Variants in SRGAP3 observed in about 807,000 individuals in gnomAD.
SRGAP3 encodes SLIT-ROBO Rho GTPase-activating protein 3.
A neutral mutation model predicts 121.1 loss-of-function variants in SRGAP3; 39 were observed. The observed-to-expected ratio is 0.32, with a 90% CI of 0.25 to 0.42. SRGAP3 has a LOEUF of 0.42. Ranked by LOEUF, SRGAP3 falls within the 10% of genes least tolerant of loss-of-function variation. SRGAP3 has a pLI of 1.00. For missense variants in SRGAP3, 1,213 were observed against 1,470.6 expected (o/e 0.82, Z 2.86); for synonymous variants, 601 against 570.0 (o/e 1.05, Z -0.77).
At chr3:9,254,785 G>C (rs1954091525) in intron 3 of SRGAP3, among the ~76,000 whole-genome samples, 1 of 142,388 alleles carries the variant, frequency 7.0e-6, no homozygotes, top group Non-Finnish European at 1.5e-5. Context: ...CTGGGCAACA[G>C]AGCAAGGCTC....
chr3:8,996,513 G>A (rs186729644), intron 18 of SRGAP3, among the ~76,000 whole-genome samples: 52 of 152,290 alleles, frequency 3.4e-4, no homozygotes, highest in African/African-American at 1.2e-3. Flanking sequence ...CTAGCTACCC[G>A]ACAAATGTCT....
intron 1 of SRGAP3, among the ~76,000 whole-genome samples, chr3:9,173,918 G>GC (rs1159675359): frequency 1.3e-5 from 2 of 152,092 alleles, no homozygotes; most frequent in African/African-American, 4.8e-5. Context: ...ACAATGCCAG[G>GC]CACGTGATCA....
At chr3:9,144,987 A>T (rs189879254) in intron 1 of SRGAP3, among the ~76,000 whole-genome samples, 1 of 152,362 alleles carries the variant, frequency 6.6e-6, no homozygotes, top group African/African-American at 2.4e-5. Flanking sequence ...ATTCATTGTT[A>T]TTCATGCCCA....
upstream of SRGAP3, among the ~76,000 whole-genome samples, chr3:9,252,286 G>A (rs1280321048): frequency 6.6e-6 from 1 of 152,102 alleles, no homozygotes; most frequent in Non-Finnish European, 1.5e-5. Flanking sequence ...GCAGAACCAT[G>A]AGCCAAATAA....
rs1420236584 is a variant in SRGAP3, at chr3:9,239,700, G to A, written c.67+9185C>T. ...TTCCAAATTACCATTTAAATCAATG[G>A]TTGAGCACTCTGTAATTGGAAATGT... On this transcript the variant is annotated intron_variant, in intron 1 of 21. Transcript: ENST00000383836. The surrounding 1 kb of genome is among the most constrained non-coding windows in gnomAD (Gnocchi z 4.0). 1.3e-5 allele frequency among the ~76,000 whole-genome samples: 2 copies of A among 152,192 alleles called. No homozygotes were observed. The highest frequency in any genetic ancestry group is 4.8e-5 in the African/African-American group (2 of 41,454).
intron 3 of SRGAP3, among the ~76,000 whole-genome samples, chr3:9,082,911 A>G (rs1264779444): frequency 6.6e-6 from 1 of 152,174 alleles, no homozygotes; most frequent in Non-Finnish European, 1.5e-5. Flanking sequence ...TGCTTGTGCC[A>G]GACCCCTTAA....
At position 9,207,401 on chromosome 3, in the gene SRGAP3, T is replaced by C. The variant is rs369084425; in HGVS notation, c.67+41484A>G. ...CTATCCACTGACTCTGGGCAAGCCATTGAGTCCTAAATCTCAAGTGCTTTA... is the reference window on the plus strand; with the variant it reads ...CTATCCACTGACTCTGGGCAAGCCACTGAGTCCTAAATCTCAAGTGCTTTA... On this transcript the variant is annotated intron_variant, in intron 1 of 21. Coordinates refer to ENST00000383836, the MANE Select transcript of SRGAP3 (RefSeq NM_014850.4). 1.1e-4 allele frequency among the ~76,000 whole-genome samples: 16 copies of C among 152,308 alleles called. 1 individual carries two copies. The highest frequency in any genetic ancestry group is 2.6e-4 in the Admixed American group (4 of 15,300).
At chr3:9,060,735 G>C (rs542547117) in intron 5 of SRGAP3, among the ~76,000 whole-genome samples, 1 of 113,166 alleles carries the variant, frequency 8.8e-6, no homozygotes, top group Non-Finnish European at 2.0e-5. Flanking sequence ...CACCATGCCC[G>C]GCCCAGTGGT....
intron 1 of SRGAP3, among the ~76,000 whole-genome samples, chr3:9,229,638 G>A (rs1953127958): frequency 6.6e-6 from 1 of 152,194 alleles, no homozygotes; most frequent in Non-Finnish European, 1.5e-5. Flanking sequence ...CAAGGGACAG[G>A]ATGGGGTCAG....
intron 3 of SRGAP3, among the ~76,000 whole-genome samples, chr3:9,081,037 G>A (rs574823357): frequency 1.2e-3 from 190 of 152,266 alleles, no homozygotes; most frequent in African/African-American, 4.2e-3. Flanking sequence ...CCACAAAACT[G>A]GTCCCTGGTG....
intron 1 of SRGAP3, among the ~76,000 whole-genome samples, chr3:9,357,080 T>C (rs1389114335): frequency 6.6e-6 from 1 of 151,524 alleles, no homozygotes; most frequent in Non-Finnish European, 1.5e-5. Context: ...CTGGGCAACA[T>C]GGCAAAACCC....
intron 13 of SRGAP3, 90 bp downstream of exon 13, chr3:9,026,845 C>T: frequency 6.9e-7 from 1 of 1,453,728 alleles, no homozygotes. Flanking sequence ...GGGAAGTCTT[C>T]CAGGACAAAT....
At chr3:9,054,051 C>T (rs1945706918) in intron 8 of SRGAP3, among the ~76,000 whole-genome samples, 1 of 152,236 alleles carries the variant, frequency 6.6e-6, no homozygotes, top group South Asian at 2.1e-4. Context: ...GATATCTTCA[C>T]TCAGTGCCTA....
At chr3:9,309,441 C>A (rs1174560590) in intron 3 of SRGAP3, among the ~76,000 whole-genome samples, 1 of 152,190 alleles carries the variant, frequency 6.6e-6, no homozygotes. Context: ...GGTTTGATTG[C>A]CATACCCAGG....
intron 21 of SRGAP3, among the ~76,000 whole-genome samples, chr3:8,986,147 A>T (rs978379791): frequency 3.9e-5 from 6 of 152,208 alleles, no homozygotes; most frequent in African/African-American, 1.4e-4. Flanking sequence ...TCATAAGGGC[A>T]GGTCAGACTA....
intron 1 of SRGAP3, among the ~76,000 whole-genome samples, chr3:9,146,855 A>C (rs1041662235): frequency 1.3e-5 from 2 of 152,184 alleles, no homozygotes; most frequent in Non-Finnish European, 2.9e-5. Context: ...CCACAGCATG[A>C]GCAGAATTGT....
chr3:9,332,593 G>A (rs529330169), intron 1 of SRGAP3, among the ~76,000 whole-genome samples: 37 of 152,028 alleles, frequency 2.4e-4, no homozygotes, highest in African/African-American at 8.0e-4. Context: ...AGAAGATTAC[G>A]CAAAAAAAAG....
At chr3:9,083,515 G>A (rs142090434) in intron 3 of SRGAP3, among the ~76,000 whole-genome samples, 1 of 152,132 alleles carries the variant, frequency 6.6e-6, no homozygotes, top group Non-Finnish European at 1.5e-5. Flanking sequence ...TTCACTTAAC[G>A]ATATCTCTGA....
At chr3:9,196,036 G>C (rs186689376) in intron 1 of SRGAP3, among the ~76,000 whole-genome samples, 13 of 152,296 alleles carry the variant, frequency 8.5e-5, no homozygotes, top group Admixed American at 2.6e-4. Context: ...ATTTAGAAAA[G>C]ATCATTGTGG....
Sources: allele counts gnomAD v4.1 joint callset (sites outside exome capture counted in the v4.1 genomes callset), GRCh38; gene constraint gnomAD v4.1.1; non-coding constraint Gnocchi (gnomAD v3.1); transcripts MANE v1.5; gene names NCBI Gene and HGNC (gene_info 2026-07-23, HGNC 2026-07-21).